THSD7A: variants seen among roughly 807,000 people sequenced by gnomAD.
THSD7A encodes thrombospondin type 1 domain containing 7A, also known as thrombospondin type-1 domain-containing protein 7A.
In THSD7A, 96 loss-of-function variants were observed where a neutral mutation model predicts 231.3. The observed-to-expected ratio is 0.41, with a 90% CI of 0.35 to 0.49. THSD7A has a LOEUF of 0.49. Among genes scored for constraint, THSD7A ranks in the 20% least tolerant of loss-of-function variants. The pLI is 0.05. For missense variants in THSD7A, 2,290 were observed against 2,070.2 expected, an observed-to-expected ratio of 1.11 and a Z score of -2.06; for synonymous variants, 940 against 743.3, an observed-to-expected ratio of 1.26 and a Z score of -4.30.
chr7:11,822,154 G>A (rs1489470264), intron 1 of THSD7A, among the ~76,000 whole-genome samples: 1 of 151,972 alleles, frequency 6.6e-6, no homozygotes, highest in Non-Finnish European at 1.5e-5. Context: ...TCCAACTAAC[G>A]CACATTGCAC....
intron 1 of THSD7A, among the ~76,000 whole-genome samples, chr7:11,804,125 A>G (rs1583304221): frequency 6.6e-6 from 1 of 152,128 alleles, no homozygotes; most frequent in Admixed American, 6.5e-5. Flanking sequence ...TTTTTACAAC[A>G]TATCTTTTGC....
intron 18 of THSD7A, 93 bp downstream of exon 18, chr7:11,412,563 C>G: frequency 7.0e-7 from 1 of 1,430,508 alleles, no homozygotes; most frequent in Non-Finnish European, 9.5e-7. Context: ...AAAAGGCACA[C>G]AGGTAGAGAT....
intron 19 of THSD7A, among the ~76,000 whole-genome samples, chr7:11,410,944 C>T (rs376872229): frequency 2.6e-5 from 4 of 152,002 alleles, no homozygotes; most frequent in African/African-American, 7.2e-5. Flanking sequence ...ATTCACCTTA[C>T]GTATTGTTCC....
chr7:11,730,592 T>G (rs1449053085), intron 1 of THSD7A, among the ~76,000 whole-genome samples: 2 of 151,654 alleles, frequency 1.3e-5, no homozygotes, highest in African/African-American at 4.8e-5. Flanking sequence ...GAATACGAAC[T>G]GTTTTCTTCT....
intron 4 of THSD7A, among the ~76,000 whole-genome samples, chr7:11,562,375 A>C (rs768778082): frequency 6.6e-6 from 1 of 152,318 alleles, no homozygotes; most frequent in Non-Finnish European, 1.5e-5. Flanking sequence ...CATTCAAAAG[A>C]TATACTGGTG....
chr7:11,773,683 T>A (rs1246325208), intron 1 of THSD7A, among the ~76,000 whole-genome samples: 1 of 152,054 alleles, frequency 6.6e-6, no homozygotes, highest in African/African-American at 2.4e-5. Context: ...TATGGATTCA[T>A]AATAATACAT....
chr7:11,575,644 G>A (rs1790866190), intron 4 of THSD7A, among the ~76,000 whole-genome samples: 2 of 152,180 alleles, frequency 1.3e-5, no homozygotes, highest in Non-Finnish European at 1.5e-5. Context: ...AAAGCTCAGA[G>A]GAGGATTGCC....
chr7:11,748,695 C>CT (rs1782396115), intron 1 of THSD7A, among the ~76,000 whole-genome samples: 1 of 151,836 alleles, frequency 6.6e-6, no homozygotes, highest in African/African-American at 2.4e-5. Context: ...CACAGGACTT[C>CT]TTTTTCAGAA....
chr7:11,743,868 C>T (rs1782188858), intron 1 of THSD7A, among the ~76,000 whole-genome samples: 1 of 151,852 alleles, frequency 6.6e-6, no homozygotes, highest in Non-Finnish European at 1.5e-5. Flanking sequence ...AGTTTTGGAT[C>T]CAAGTAATGA....
chr7:11,469,032 G>A (rs1045552147), intron 9 of THSD7A, among the ~76,000 whole-genome samples: 7 of 151,954 alleles, frequency 4.6e-5, no homozygotes, highest in Non-Finnish European at 8.8e-5. Flanking sequence ...ATTAAATTTT[G>A]ACAACTTAAA....
At chr7:11,560,293 C>T (rs1010231960) in intron 4 of THSD7A, among the ~76,000 whole-genome samples, 2 of 152,106 alleles carry the variant, frequency 1.3e-5, no homozygotes, top group African/African-American at 4.8e-5. Context: ...AGGGACCTGG[C>T]CTGACACTTT....
chr7:11,607,180 A>G (rs1055767514), intron 2 of THSD7A, among the ~76,000 whole-genome samples: 1 of 152,142 alleles, frequency 6.6e-6, no homozygotes, highest in Non-Finnish European at 1.5e-5. Context: ...TAGTACTAGA[A>G]TATAACGCTA....
chr7:11,699,701 G>A (rs1224040845), intron 1 of THSD7A, among the ~76,000 whole-genome samples: 1 of 151,296 alleles, frequency 6.6e-6, no homozygotes, highest in East Asian at 2.0e-4. Context: ...CACAATTATA[G>A]AACATGCCAA....
At chr7:11,776,582 G>A (rs1158824123) in intron 1 of THSD7A, among the ~76,000 whole-genome samples, 1 of 152,016 alleles carries the variant, frequency 6.6e-6, no homozygotes, top group Non-Finnish European at 1.5e-5. Context: ...GTTTGTCTTT[G>A]GGGATTCTTC....
At chr7:11,567,371 GA>G (rs894200889) in intron 4 of THSD7A, among the ~76,000 whole-genome samples, 49 of 152,030 alleles carry the variant, frequency 3.2e-4, no homozygotes, top group Non-Finnish European at 4.9e-4. Context: ...GAACAGCACA[GA>G]AAAAAACCGC....
chr7:11,586,095 T>G (rs957203879), intron 4 of THSD7A, among the ~76,000 whole-genome samples: 1 of 152,142 alleles, frequency 6.6e-6, no homozygotes, highest in African/African-American at 2.4e-5. Flanking sequence ...ATTTACCATA[T>G]TAAGATGAGC....
chr7:11,476,833 AAAG>A lies in THSD7A; in HGVS notation c.2018-2268_2018-2266del, dbSNP rs199562925. On this transcript the variant is annotated intron_variant, in intron 7 of 27. Coordinates refer to ENST00000423059, the MANE Select transcript of THSD7A (RefSeq NM_015204.3). ...CCGTCTCAGAGAAAAAAAAAAAAAA[AAAG>A]ATAGTGTAGAAAGCGATTATATACA... Among the ~76,000 whole-genome samples the A allele has an allele frequency of 3.3e-3, 478 of 146,938 alleles. 7 individuals carry two copies. Among genetic ancestry groups the A allele is most frequent in the Middle Eastern group, 0.01 (3 of 292 alleles).
Position 11,677,584 on chromosome 7 carries a change from CAAAAAAAAAAAAAAAAAA to C in THSD7A, c.191-40641_191-40624del, listed in dbSNP as rs553030554. On this transcript the variant is annotated intron_variant, in intron 1 of 27. Coordinates refer to ENST00000423059, the MANE Select transcript of THSD7A (RefSeq NM_015204.3). ...GAAGATTGACCAAGCAAATGGAAAG[CAAAAAAAAAAAAAAAAAA>C]AAAAAAAAAAAGCAGGGGTTGCAAT... 3.1e-4 allele frequency among the ~76,000 whole-genome samples: 7 copies of C among 22,274 alleles called. No individual in the cohort carries two copies. The East Asian group carries it at 0.013, about 40-fold the overall frequency. 14.6% of individuals were successfully genotyped at this position (22,274 alleles called of 152,430 possible).
intron 6 of THSD7A, among the ~76,000 whole-genome samples, chr7:11,524,151 G>A (rs1788379804): frequency 6.6e-6 from 1 of 152,054 alleles, no homozygotes; most frequent in Non-Finnish European, 1.5e-5. Flanking sequence ...GTAACCACCT[G>A]TATTTCTTCT....
Sources: allele counts gnomAD v4.1 joint callset (sites outside exome capture counted in the v4.1 genomes callset), GRCh38; gene constraint gnomAD v4.1.1; transcripts MANE v1.5; gene names NCBI Gene and HGNC (gene_info 2026-07-23, HGNC 2026-07-21).